WNT5A: variants seen among roughly 807,000 people sequenced by gnomAD.
WNT5A encodes the protein Wnt family member 5A, also known as protein Wnt-5a.
Under a neutral mutation model 42.1 loss-of-function variants are expected in WNT5A, and 9 were observed. The ratio of observed to expected loss-of-function variants is 0.21; its 90% CI spans 0.13 to 0.37. WNT5A has a LOEUF of 0.37. Ranked by LOEUF, WNT5A falls within the 10% of genes least tolerant of loss-of-function variation. WNT5A has a pLI of 1.00. For synonymous variants in WNT5A, 210 were observed against 210.0 expected (o/e 1.00, Z 0.00); for missense variants, 426 against 534.0 (o/e 0.80, Z 1.99).
chr3:55,482,176 C>G (rs1253338401), intron 1 of WNT5A, among the ~76,000 whole-genome samples: 1 of 152,354 alleles, frequency 6.6e-6, no homozygotes, highest in Non-Finnish European at 1.5e-5. Flanking sequence ...CGAGCCGCAG[C>G]TGGGCGCATC....
At chr3:55,474,249 G>T in intron 4 of WNT5A, 88 bp downstream of exon 4, 1 of 1,541,020 alleles carries the variant, frequency 6.5e-7, no homozygotes, top group South Asian at 1.2e-5. Flanking sequence ...GCAGAGGAGA[G>T]GACGGAGCTA....
chr3:55,486,218 C>T (rs1575408452), intron 1 of WNT5A, among the ~76,000 whole-genome samples: 1 of 152,174 alleles, frequency 6.6e-6, no homozygotes, highest in East Asian at 1.9e-4. Context: ...CTCAGGGGGC[C>T]GGGGAGCGCT....
At chr3:55,489,293 G>GCGCACACACACA (rs1305251700), upstream of WNT5A, 2,413 of 148,672 alleles carry the variant, frequency 0.016, 21 homozygotes, top group East Asian at 0.035. Context: ...ACACACGCGC[G>GCGCACACACACA]CACACACACA....
intron 1 of WNT5A, among the ~76,000 whole-genome samples, chr3:55,486,337 C>G (rs1263332225): frequency 1.3e-5 from 2 of 152,202 alleles, no homozygotes; most frequent in African/African-American, 4.8e-5. Context: ...AATAACGCGA[C>G]CCCGCTCCCC....
In WNT5A at chr3:55,482,702, G is replaced by A. The variant is rs370490766; in HGVS notation, c.7-1784C>T. Reference sequence around the variant, plus strand: ...CCAAAACGCTGCAAAGCTGGGGGGCGCATCCTGGAGAATGGAAATCTGGGG... The same window carrying A: ...CCAAAACGCTGCAAAGCTGGGGGGCACATCCTGGAGAATGGAAATCTGGGG... On this transcript the variant is annotated intron_variant, in intron 1 of 4. Transcript: ENST00000264634. Among the ~76,000 whole-genome samples, 12 of 152,302 alleles carry A rather than the reference G, an allele frequency of 7.9e-5. No homozygotes were observed. In the East Asian group the frequency reaches 2.1e-3, roughly 27 times the overall value.
At chr3:55,501,832 G>A in the WNT5A span, 4 of 152,160 alleles carry the variant, frequency 2.6e-5, no homozygotes, top group Admixed American at 2.0e-4. Context: ...TTTTGTAAAA[G>A]GCCCTGCCCC....
Position 55,470,412 on chromosome 3 carries a change from C to G in WNT5A, c.823G>C (p.Ala275Pro). 1 of 1,613,258 alleles carries G rather than the reference C, an allele frequency of 6.2e-7. No homozygotes were observed. The highest frequency in any genetic ancestry group is 8.5e-7 in the Non-Finnish European group (1 of 1,179,580). Residue 275 changes from alanine to proline, a missense_variant, in exon 5 of 5, where the codon GCC becomes CCC. Coordinates refer to ENST00000264634, the MANE Select transcript of WNT5A (RefSeq NM_003392.7). The stretch of plus-strand genomic sequence containing the variant: ...TTGCCCCGGCTGTTGAGCCGCATGG[C>G]CGCCGCGCTGTCGTACTTCTCCTTC... Reference protein sequence around the residue: ...ALKEKYDSAAAMRLNSRGKLV... With the variant: ...ALKEKYDSAAPMRLNSRGKLV...
intron 1 of WNT5A, 61 bp from the exon 2 acceptor site, chr3:55,480,979 G>A: frequency 1.5e-6 from 2 of 1,361,430 alleles, no homozygotes; most frequent in Non-Finnish European, 9.5e-7. Context: ...AAGCATACAA[G>A]TTTAAACAAC....
At chr3:55,497,381 T>C in the WNT5A span, 3 of 152,200 alleles carry the variant, frequency 2.0e-5, no homozygotes, top group Non-Finnish European at 4.4e-5. Context: ...AGCAAGTGAG[T>C]CACTCACCAT....
intron 1 of WNT5A, chr3:55,481,453 G>T: frequency 1.2e-5 from 7 of 564,610 alleles, no homozygotes; most frequent in Non-Finnish European, 1.6e-5. Context: ...GGGGGTGGAG[G>T]ATGGGGGCAG....
upstream of WNT5A, among the ~76,000 whole-genome samples, chr3:55,491,958 C>T (rs1001764338): frequency 1.3e-5 from 2 of 152,214 alleles, no homozygotes; most frequent in African/African-American, 4.8e-5. Flanking sequence ...AATACCATCT[C>T]TTTGTGCTGC....
In WNT5A at chr3:55,483,395, C is replaced by T. The variant is rs985979518; in HGVS notation, c.7-2477G>A. On this transcript the variant is annotated intron_variant, in intron 1 of 4. Coordinates refer to ENST00000264634, the MANE Select transcript of WNT5A (RefSeq NM_003392.7). This position sits in a 1 kb window ranked among gnomAD's most constrained non-coding sequence, Gnocchi z 4.2. ...CCACAAGTTTGAGACACTCAAAGAA[C>T]TCACAGCGAACTCACACATACATCG... Among the ~76,000 whole-genome samples, 3 of 152,126 alleles carry T rather than the reference C, an allele frequency of 2.0e-5. No individual in the cohort carries two copies. Among genetic ancestry groups the T allele is most frequent in the Non-Finnish European group, 4.4e-5 (3 of 68,030 alleles).
At position 55,470,502 on chromosome 3, in the gene WNT5A, C is replaced by A; in HGVS notation, c.733G>T (p.Gly245Cys). The part of the protein sequence containing the change: ...DVACKCHGVS[G>C]SCSLKTCWLQ... ...CAGCATGTCTTCAGGCTACATGAGCCGGACACCCCATGGCACTTGCAGGCC... is the reference window on the plus strand; with the variant it reads ...CAGCATGTCTTCAGGCTACATGAGCAGGACACCCCATGGCACTTGCAGGCC... Residue 245 changes from glycine to cysteine, a missense_variant, in exon 5 of 5, where the codon GGC (glycine) becomes TGC (cysteine). By Grantham distance (159) the Gly-to-Cys change is radical. Around this residue, in one of 3 missense-constraint regions of WNT5A, gnomAD observed 358 missense variants for 468.1 expected, o/e 0.76. Coordinates refer to ENST00000264634, the MANE Select transcript of WNT5A (RefSeq NM_003392.7). 1 of 1,598,300 alleles carries A rather than the reference C, an allele frequency of 6.3e-7. No homozygotes were observed. Among genetic ancestry groups the A allele is most frequent in the Non-Finnish European group, 8.5e-7 (1 of 1,172,048 alleles).
the WNT5A span, chr3:55,505,145 A>T: frequency 6.6e-6 from 1 of 152,202 alleles, no homozygotes; most frequent in Non-Finnish European, 1.5e-5. Context: ...TAAAGGAAAG[A>T]GGTTTAATTG....
chr3:55,493,590 A>G (rs538211753), upstream of WNT5A, among the ~76,000 whole-genome samples: 6 of 152,326 alleles, frequency 3.9e-5, no homozygotes, highest in South Asian at 1.2e-3. Flanking sequence ...GGCCTTGTTC[A>G]TAGTTGTGAC....
intron 1 of WNT5A, among the ~76,000 whole-genome samples, chr3:55,482,418 G>A (rs890389689): frequency 5.9e-5 from 9 of 152,164 alleles, no homozygotes; most frequent in Non-Finnish European, 1.2e-4. Context: ...AGCCCCTGAA[G>A]GAGCCCCTTC....
At chr3:55,486,902 G>GCGAAGGGAA (rs2107007509) in intron 1 of WNT5A, 78 bp downstream of exon 1, 1 of 1,002,960 alleles carries the variant, frequency 1.0e-6, no homozygotes, top group South Asian at 1.3e-5. Flanking sequence ...ATAGGAAGAG[G>GCGAAGGGAA]CGAAGGGAAC....
chr3:55,492,704 A>C (rs780825690), upstream of WNT5A, among the ~76,000 whole-genome samples: 2 of 152,240 alleles, frequency 1.3e-5, no homozygotes, highest in Non-Finnish European at 2.9e-5. Flanking sequence ...AAACAATCAT[A>C]ATAATTGCTG....
chr3:55,478,858 C>T (rs1309847794), intron 3 of WNT5A, among the ~76,000 whole-genome samples: 1 of 152,032 alleles, frequency 6.6e-6, no homozygotes, highest in Non-Finnish European at 1.5e-5. Context: ...AAAATTAAAA[C>T]TTTGTTCACT....
Sources: allele counts gnomAD v4.1 joint callset (sites outside exome capture counted in the v4.1 genomes callset), GRCh38; gene constraint gnomAD v4.1.1; regional missense constraint gnomAD v4.1.1; non-coding constraint Gnocchi (gnomAD v3.1); transcripts MANE v1.5; gene names NCBI Gene and HGNC (gene_info 2026-07-23, HGNC 2026-07-21).